The following HPSE2 variants were observed in gnomAD, a reference collection of about 807,000 sequenced individuals.
HPSE2 encodes the protein inactive heparanase-2.
Under a neutral mutation model 60.5 loss-of-function variants are expected in HPSE2, and 38 were observed. That is an observed-to-expected ratio of 0.63 (90% CI 0.48 to 0.82). The LOEUF (loss-of-function observed/expected upper bound fraction) is 0.82, where lower values mean the gene tolerates loss of function less well. Ranked by LOEUF, HPSE2 falls within the 40% of genes least tolerant of loss-of-function variation. The pLI, the probability that HPSE2 is intolerant of heterozygous loss-of-function variation, is 0.00. For synonymous variants in HPSE2, 295 were observed against 293.2 expected (o/e 1.01, Z -0.06); for missense variants, 713 against 740.4 (o/e 0.96, Z 0.43).
chr10:98,907,761 C>G (rs1189286456), intron 3 of HPSE2, among the ~76,000 whole-genome samples: 5 of 152,160 alleles, frequency 3.3e-5, no homozygotes, highest in African/African-American at 1.2e-4. Flanking sequence ...GATAAAAACA[C>G]TACTCCTGCT....
At chr10:98,832,266 G>T (rs1951700271) in intron 3 of HPSE2, among the ~76,000 whole-genome samples, 1 of 152,128 alleles carries the variant, frequency 6.6e-6, no homozygotes. Context: ...CCTAAAGTTT[G>T]GTCTCCAAAT....
intron 7 of HPSE2, among the ~76,000 whole-genome samples, chr10:98,635,581 G>A (rs1183699970): frequency 6.6e-6 from 1 of 151,960 alleles, no homozygotes; most frequent in Non-Finnish European, 1.5e-5. Context: ...AGAAGTTTGA[G>A]GCCACCCTGG....
intron 3 of HPSE2, among the ~76,000 whole-genome samples, chr10:98,963,861 C>T (rs1955745581): frequency 6.6e-6 from 1 of 151,998 alleles, no homozygotes; most frequent in Non-Finnish European, 1.5e-5. Context: ...TTAGAGATGC[C>T]TTTGTAAGAC....
chr10:99,090,574 T>A (rs1425740607), intron 3 of HPSE2, among the ~76,000 whole-genome samples: 1 of 152,072 alleles, frequency 6.6e-6, no homozygotes, highest in Non-Finnish European at 1.5e-5. Context: ...ATGAGAAATA[T>A]TTGAACAAAT....
At chr10:99,131,064 A>G (rs111244268) in intron 3 of HPSE2, among the ~76,000 whole-genome samples, 2,518 of 152,346 alleles carry the variant, frequency 0.017, 63 homozygotes, top group African/African-American at 0.057. Flanking sequence ...GATGCATCAC[A>G]TAAACAGAAT....
intron 3 of HPSE2, among the ~76,000 whole-genome samples, chr10:99,139,923 CT>C (rs1171266124): frequency 6.6e-6 from 1 of 152,112 alleles, no homozygotes. Flanking sequence ...TTTTATCCCC[CT>C]GGCATTTGCT....
intron 3 of HPSE2, among the ~76,000 whole-genome samples, chr10:98,833,924 C>T (rs1486579743): frequency 6.6e-6 from 1 of 152,072 alleles, no homozygotes; most frequent in African/African-American, 2.4e-5. Context: ...TAACATGCCT[C>T]AATCAGACTT....
chr10:99,091,522 T>C (rs986829326), intron 3 of HPSE2, among the ~76,000 whole-genome samples: 5 of 152,160 alleles, frequency 3.3e-5, no homozygotes, highest in Admixed American at 1.3e-4. Context: ...TGCTATGATT[T>C]TGAACCCATT....
chr10:98,764,207 G>A (rs950874309), intron 3 of HPSE2, among the ~76,000 whole-genome samples: 2 of 152,080 alleles, frequency 1.3e-5, no homozygotes, highest in Non-Finnish European at 1.5e-5. Context: ...GAAAGGTTAT[G>A]TATGTATTTT....
chr10:98,616,116 T>C (rs891535982), intron 8 of HPSE2, among the ~76,000 whole-genome samples: 1 of 151,884 alleles, frequency 6.6e-6, no homozygotes, highest in African/African-American at 2.4e-5. Context: ...ATCTGGCAGA[T>C]TTCTTCTCAT....
At chr10:98,764,796 G>T (rs1239982884) in intron 3 of HPSE2, among the ~76,000 whole-genome samples, 1 of 152,162 alleles carries the variant, frequency 6.6e-6, no homozygotes, top group Non-Finnish European at 1.5e-5. Context: ...GGCGGAGGTT[G>T]CAGTGAGCCG....
At chr10:98,781,287 C>CTTTTTTTTTTTT (rs1247238028) in intron 3 of HPSE2, among the ~76,000 whole-genome samples, 30 of 132,584 alleles carry the variant, frequency 2.3e-4, no homozygotes, top group African/African-American at 4.8e-4. Context: ...ATATCCACTT[C>CTTTTTTTTTTTT]TTTTTTTTTT....
intron 3 of HPSE2, among the ~76,000 whole-genome samples, chr10:99,062,205 A>G (rs1159471125): frequency 1.3e-5 from 2 of 152,170 alleles, no homozygotes; most frequent in Non-Finnish European, 2.9e-5. Context: ...TCTTTATTTG[A>G]TAACTCCCTC....
At chr10:98,955,813 G>T (rs1034415193) in intron 3 of HPSE2, among the ~76,000 whole-genome samples, 5 of 152,156 alleles carry the variant, frequency 3.3e-5, no homozygotes, top group African/African-American at 1.2e-4. Context: ...GCAGGGACAT[G>T]GATGGAGCTG....
At chr10:98,999,554 T>A (rs2093350627) in intron 3 of HPSE2, among the ~76,000 whole-genome samples, 1 of 152,142 alleles carries the variant, frequency 6.6e-6, no homozygotes. Context: ...CATGCTGCTT[T>A]TTTATGTTGC....
At chr10:98,749,792 T>C (rs1469292949) in intron 3 of HPSE2, among the ~76,000 whole-genome samples, 4 of 150,846 alleles carry the variant, frequency 2.7e-5, no homozygotes, top group African/African-American at 9.7e-5. Context: ...AGCTATGATG[T>C]TCAGTAGGTT....
At chr10:98,956,868 A>G (rs1955522655) in intron 3 of HPSE2, among the ~76,000 whole-genome samples, 1 of 152,172 alleles carries the variant, frequency 6.6e-6, no homozygotes, top group African/African-American at 2.4e-5. Context: ...GTAGCCATGA[A>G]AGGATCTGGA....
intron 3 of HPSE2, among the ~76,000 whole-genome samples, chr10:98,987,083 A>T (rs909991280): frequency 6.6e-6 from 1 of 152,068 alleles, no homozygotes; most frequent in African/African-American, 2.4e-5. Flanking sequence ...AGCTGGTACC[A>T]TTCCTTCTGA....
At position 98,864,039 on chromosome 10, in the gene HPSE2, A is replaced by C. The variant is rs546277068; in HGVS notation, c.611-119983T>G. Among the ~76,000 whole-genome samples, 153 of 152,264 alleles carry C rather than the reference A, an allele frequency of 1.0e-3. 1 individual carries two copies. Among genetic ancestry groups the C allele is most frequent in the African/African-American group, 3.5e-3 (145 of 41,562 alleles). ...GATTTGTGTGTAAATGAATTAAAAA[A>C]CGTCTTCTAATTCTGAGATTCCCAG... is the stretch of plus-strand genomic sequence containing the variant. On this transcript the variant is annotated intron_variant, in intron 3 of 11. Transcript: ENST00000370552.
Sources: allele counts gnomAD v4.1 joint callset (sites outside exome capture counted in the v4.1 genomes callset), GRCh38; gene constraint gnomAD v4.1.1; transcripts MANE v1.5; gene names NCBI Gene and HGNC (gene_info 2026-07-23, HGNC 2026-07-21).